DLGAP2: variants seen among roughly 807,000 people sequenced by gnomAD.
The protein encoded by DLGAP2 is disks large-associated protein 2.
In DLGAP2, 26 loss-of-function variants were observed where a neutral mutation model predicts 100.3. The ratio of observed to expected loss-of-function variants is 0.26; its 90% CI spans 0.19 to 0.36. The LOEUF (loss-of-function observed/expected upper bound fraction) is 0.36. DLGAP2 is among the 10% of genes least tolerant of loss of function. DLGAP2 has a pLI of 1.00. For synonymous variants in DLGAP2, 886 were observed against 630.1 expected (o/e 1.41, Z -6.08); for missense variants, 1,858 against 1,453.2 (o/e 1.28, Z -4.53).
At chr8:1,151,715 G>T (rs180737062) in intron 2 of DLGAP2, among the ~76,000 whole-genome samples, 16 of 152,190 alleles carry the variant, frequency 1.1e-4, no homozygotes, top group Admixed American at 1.0e-3. Context: ...CAAAGAGGCC[G>T]ATTGTCAGGT....
intron 1 of DLGAP2, among the ~76,000 whole-genome samples, chr8:760,937 A>G (rs951244337): frequency 6.6e-6 from 1 of 152,014 alleles, no homozygotes; most frequent in Non-Finnish European, 1.5e-5. Context: ...AATTTTTGAG[A>G]GGAAGAATAT....
chr8:799,917 A>G (rs1332474751), intron 1 of DLGAP2, among the ~76,000 whole-genome samples: 1 of 152,218 alleles, frequency 6.6e-6, no homozygotes, highest in Admixed American at 6.5e-5. Context: ...AATTATTAAA[A>G]GGGCTTAAGT....
intron 3 of DLGAP2, among the ~76,000 whole-genome samples, chr8:1,281,855 C>T (rs1201400726): frequency 1.3e-5 from 2 of 152,256 alleles, no homozygotes; most frequent in African/African-American, 2.4e-5. Flanking sequence ...CTCCACCACA[C>T]TGGGCTTTGA....
intron 2 of DLGAP2, among the ~76,000 whole-genome samples, chr8:1,024,716 G>A (rs1027612418): frequency 6.6e-5 from 10 of 152,186 alleles, no homozygotes; most frequent in African/African-American, 9.7e-5. Context: ...ACTCACAGGC[G>A]CTTCAGCAGG....
chr8:1,287,217 GTGTGTGTGTA>G (rs1411122314), intron 3 of DLGAP2, among the ~76,000 whole-genome samples: 1 of 148,132 alleles, frequency 6.8e-6, no homozygotes, highest in African/African-American at 2.5e-5. Flanking sequence ...GTGTGTGTGT[GTGTGTGTGTA>G]TGTGGTTTTG....
intron 1 of DLGAP2, among the ~76,000 whole-genome samples, chr8:803,581 C>G (rs1398845062): frequency 6.6e-6 from 1 of 152,074 alleles, no homozygotes; most frequent in Non-Finnish European, 1.5e-5. Context: ...CATCACACAT[C>G]TACACGCCCG....
chr8:793,708 A>T (rs886572440), intron 1 of DLGAP2, among the ~76,000 whole-genome samples: 1 of 152,230 alleles, frequency 6.6e-6, no homozygotes, highest in Non-Finnish European at 1.5e-5. Flanking sequence ...GACGGAGTCC[A>T]CAGCTCACAG....
At chr8:1,143,956 G>A (rs768464655) in intron 2 of DLGAP2, among the ~76,000 whole-genome samples, 1 of 152,204 alleles carries the variant, frequency 6.6e-6, no homozygotes, top group African/African-American at 2.4e-5. Context: ...TAACAGATAA[G>A]GGAAGGCAAG....
chr8:1,553,732 C>T (rs918487827), intron 5 of DLGAP2, among the ~76,000 whole-genome samples: 6 of 152,104 alleles, frequency 3.9e-5, no homozygotes, highest in East Asian at 1.9e-4. Context: ...GGACGTGTTG[C>T]GGGTCCCATC....
chr8:822,291 G>A (rs1489971249), intron 1 of DLGAP2: 6 of 399,034 alleles, frequency 1.5e-5, no homozygotes, highest in Non-Finnish European at 2.7e-5. Flanking sequence ...CTCCACCCGG[G>A]GAGGGGCACA....
chr8:1,507,419 C>T (rs1047500645), intron 4 of DLGAP2, among the ~76,000 whole-genome samples: 11 of 152,192 alleles, frequency 7.2e-5, no homozygotes, highest in Admixed American at 1.3e-4. Context: ...TTCACTGCCC[C>T]GCTGGCGCTG....
chr8:1,353,201 A>G (rs527646496), intron 3 of DLGAP2, among the ~76,000 whole-genome samples: 1 of 152,204 alleles, frequency 6.6e-6, no homozygotes, highest in Non-Finnish European at 1.5e-5. Context: ...GTCCTGCATT[A>G]GCTTCCTTCC....
At chr8:1,155,362 GGGGTCTCCCC>G (rs1267916371) in intron 2 of DLGAP2, among the ~76,000 whole-genome samples, 1 of 152,198 alleles carries the variant, frequency 6.6e-6, no homozygotes, top group African/African-American at 2.4e-5. Flanking sequence ...TCCGGGCTGG[GGGGTCTCCCC>G]GGATGGTCTC....
chr8:1,501,451 C>A lies in DLGAP2; in HGVS notation c.172+20C>A, dbSNP rs1381142784. The A allele has an allele frequency of 5.2e-6, 8 of 1,535,284 alleles. No homozygotes were observed. Among genetic ancestry groups the A allele is most frequent in the South Asian group, 1.2e-5 (1 of 84,044 alleles). ...ATCTAGGTAGAGTACAGACGTCAGCCCCGCTCTGGCGGGGCCCGGACAGAA... is the reference window on the plus strand; with the variant it reads ...ATCTAGGTAGAGTACAGACGTCAGCACCGCTCTGGCGGGGCCCGGACAGAA... On this transcript the variant is annotated intron_variant, in intron 4 of 14. Transcript: ENST00000637795.
chr8:752,552 T>G (rs1820819337), intron 1 of DLGAP2, among the ~76,000 whole-genome samples: 1 of 152,036 alleles, frequency 6.6e-6, no homozygotes, highest in African/African-American at 2.4e-5. Flanking sequence ...CCGCCTATGC[T>G]TGGTGTGGAG....
chr8:1,606,043 G>A (rs78749840), intron 6 of DLGAP2, among the ~76,000 whole-genome samples: 1,711 of 152,290 alleles, frequency 0.011, 41 homozygotes, highest in African/African-American at 0.04. Context: ...AAGAATGAAA[G>A]TATTTGTGGA....
intron 2 of DLGAP2, among the ~76,000 whole-genome samples, chr8:1,031,574 G>A (rs1028175076): frequency 6.6e-6 from 1 of 151,866 alleles, no homozygotes; most frequent in African/African-American, 2.4e-5. Flanking sequence ...CACCATGCCC[G>A]GCTGTTTTGT....
chr8:819,295 C>T (rs938845736), intron 1 of DLGAP2, among the ~76,000 whole-genome samples: 4 of 152,116 alleles, frequency 2.6e-5, no homozygotes, highest in African/African-American at 7.2e-5. Context: ...CAATAGATAT[C>T]GTAGGACCTT....
chr8:1,484,832 G>A (rs549028750), intron 3 of DLGAP2, among the ~76,000 whole-genome samples: 39 of 152,196 alleles, frequency 2.6e-4, no homozygotes, highest in African/African-American at 7.9e-4. Context: ...CTGAGTCATC[G>A]GCTGTATCAC....
Sources: gnomAD v4.1 joint callset for allele counts (sites outside exome capture counted in the v4.1 genomes callset) on GRCh38, gnomAD v4.1.1 for gene constraint, MANE v1.5 for transcripts, NCBI Gene and HGNC (gene_info 2026-07-23, HGNC 2026-07-21) for gene names.